Variants in MAPK10 observed in about 807,000 individuals in gnomAD.
MAPK10 encodes JNK3 alpha protein kinase.
In MAPK10, 25 loss-of-function variants were observed where a neutral mutation model predicts 59.3. The ratio of observed to expected loss-of-function variants is 0.42; its 90% confidence interval spans 0.31 to 0.59. MAPK10 has a LOEUF of 0.59. Among genes scored for constraint, MAPK10 ranks in the 20% least tolerant of loss-of-function variants. MAPK10 has a pLI of 0.15. For missense variants in MAPK10, 351 were observed against 568.9 expected (o/e 0.62, Z 3.90); for synonymous variants, 190 against 200.5 (o/e 0.95, Z 0.44).
At chr4:86,068,732 T>C (rs939065951) in intron 9 of MAPK10, among the ~76,000 whole-genome samples, 26 of 152,176 alleles carry the variant, frequency 1.7e-4, no homozygotes, top group African/African-American at 5.5e-4. Flanking sequence ...ATATTACCTC[T>C]CTATGAAAAT....
chr4:86,580,294 T>C (rs1377141642), intron 1 of MAPK10, among the ~76,000 whole-genome samples: 1 of 151,946 alleles, frequency 6.6e-6, no homozygotes, highest in Admixed American at 6.6e-5. Flanking sequence ...AGGTCAGGAG[T>C]TTGAGATCAG....
At chr4:86,194,939 T>G (rs1276277462) in intron 2 of MAPK10, among the ~76,000 whole-genome samples, 1 of 151,978 alleles carries the variant, frequency 6.6e-6, no homozygotes, top group Non-Finnish European at 1.5e-5. Context: ...ATATACTATA[T>G]TTGTGTGAAA....
At chr4:86,154,645 G>A (rs2149216769) in intron 4 of MAPK10, among the ~76,000 whole-genome samples, 1 of 152,098 alleles carries the variant, frequency 6.6e-6, no homozygotes, top group East Asian at 1.9e-4. Flanking sequence ...TATCTAGCTT[G>A]TTTTGTACTC....
intron 2 of MAPK10, among the ~76,000 whole-genome samples, chr4:86,245,684 A>C (rs1353599447): frequency 1.3e-5 from 2 of 152,002 alleles, no homozygotes; most frequent in East Asian, 1.9e-4. Context: ...TTAGTTATTT[A>C]GGCCTTGTGG....
At chr4:86,400,924 T>G (rs903968725) in intron 1 of MAPK10, among the ~76,000 whole-genome samples, 22 of 152,302 alleles carry the variant, frequency 1.4e-4, no homozygotes, top group African/African-American at 4.8e-4. Context: ...AAGATTTTTA[T>G]TGTGTGCTTA....
At chr4:86,043,910 T>C (rs762154147) in intron 11 of MAPK10, among the ~76,000 whole-genome samples, 2 of 152,178 alleles carry the variant, frequency 1.3e-5, no homozygotes, top group Non-Finnish European at 2.9e-5. Context: ...TAAAAATCTA[T>C]GAGTTAGTAG....
chr4:86,193,916 G>A (rs917195798), intron 3 of MAPK10: 4 of 171,588 alleles, frequency 2.3e-5, no homozygotes, highest in South Asian at 1.4e-4. Context: ...AGGTTGCGAA[G>A]ACCATCGAAA....
At chr4:86,136,145 G>T (rs2062023928) in intron 4 of MAPK10, among the ~76,000 whole-genome samples, 1 of 152,142 alleles carries the variant, frequency 6.6e-6, no homozygotes, top group Admixed American at 6.5e-5. Flanking sequence ...CCCCAGTCTA[G>T]CAAGGCAGGC....
chr4:86,565,576 T>C (rs1761000111), intron 1 of MAPK10, among the ~76,000 whole-genome samples: 1 of 152,196 alleles, frequency 6.6e-6, no homozygotes. Flanking sequence ...ATTTAGCTTT[T>C]CGATAATGCT....
intron 3 of MAPK10, chr4:86,160,280 T>G (rs1347165545): frequency 6.6e-6 from 1 of 151,992 alleles, no homozygotes; most frequent in Non-Finnish European, 1.5e-5. Context: ...GATCTTATAT[T>G]GTACTTATGA....
Position 86,255,488 on chromosome 4 carries a change from T to C in MAPK10, c.-6-61081A>G, listed in dbSNP as rs542686158. ...CATTCCTCTCTGAAGGCATATATGC[T>C]GTCCTGATAGTGTATCTGCTGTTCA... On this transcript the variant is annotated intron_variant, in intron 2 of 13. Coordinates refer to ENST00000641462, the MANE Select transcript of MAPK10 (RefSeq NM_138982.4). 9.8e-5 allele frequency among the ~76,000 whole-genome samples: 15 copies of C among 152,328 alleles called. No individual in the cohort carries two copies. The East Asian group carries it at 2.9e-3, about 29-fold the overall frequency.
At chr4:86,123,545 A>G (rs2059599572) in intron 4 of MAPK10, 1 of 152,078 alleles carries the variant, frequency 6.6e-6, no homozygotes, top group Non-Finnish European at 1.5e-5. Context: ...ACATTGCTAC[A>G]ACCCCACTGG....
At chr4:86,214,282 C>CA (rs1414791923) in intron 2 of MAPK10, among the ~76,000 whole-genome samples, 1 of 151,888 alleles carries the variant, frequency 6.6e-6, no homozygotes, top group Non-Finnish European at 1.5e-5. Context: ...ACATCATACT[C>CA]AATTGTGAAA....
chr4:86,378,958 C>T (rs772310805), intron 1 of MAPK10, among the ~76,000 whole-genome samples: 5 of 152,156 alleles, frequency 3.3e-5, no homozygotes, highest in Admixed American at 6.5e-5. Flanking sequence ...CCTGAAATAA[C>T]TTTCCATAAG....
chr4:86,050,259 T>C (rs962649298), intron 11 of MAPK10, among the ~76,000 whole-genome samples: 2 of 152,162 alleles, frequency 1.3e-5, no homozygotes, highest in African/African-American at 4.8e-5. Context: ...AGTACTATGG[T>C]TATAGTATCT....
At chr4:86,021,629 C>T (rs1205623365) in intron 13 of MAPK10, among the ~76,000 whole-genome samples, 1 of 152,232 alleles carries the variant, frequency 6.6e-6, no homozygotes, top group Non-Finnish European at 1.5e-5. Flanking sequence ...CTTGGGTGGT[C>T]GCTGGGACTG....
At chr4:86,367,407 A>C (rs1366223453) in intron 1 of MAPK10, among the ~76,000 whole-genome samples, 1 of 152,068 alleles carries the variant, frequency 6.6e-6, no homozygotes, top group Admixed American at 6.5e-5. Flanking sequence ...CTTGGGGAAC[A>C]GTGGCTTTTT....
intron 1 of MAPK10, among the ~76,000 whole-genome samples, chr4:86,562,977 T>A (rs1413256652): frequency 2.0e-5 from 3 of 152,246 alleles, no homozygotes; most frequent in African/African-American, 7.2e-5. Context: ...TCCTTCTTTG[T>A]ATAACTCTTA....
rs1361465064 is a variant in MAPK10, at chr4:86,380,791, T to C, written c.-121-26147A>G. Among the ~76,000 whole-genome samples, 5 of 151,220 alleles carry C rather than the reference T, an allele frequency of 3.3e-5. No homozygotes were observed. In the South Asian group the frequency reaches 8.4e-4, roughly 25 times the overall value. On this transcript the variant is annotated intron_variant, in intron 1 of 13. Transcript: ENST00000361569. ...GCCAGACATTTTCAATCCTGACTTA[T>C]GGGTGACAGTTGTGGTTCTGTCATT...
Sources: gnomAD v4.1 joint callset for allele counts (sites outside exome capture counted in the v4.1 genomes callset) on GRCh38, gnomAD v4.1.1 for gene constraint, MANE v1.5 for transcripts, NCBI Gene and HGNC (gene_info 2026-07-23, HGNC 2026-07-21) for gene names.